Variants in CCDC178 observed in about 807,000 individuals in gnomAD.
CCDC178 encodes coiled-coil domain-containing protein 178.
Under a neutral mutation model 117.4 loss-of-function variants are expected in CCDC178, and 126 were observed. The observed-to-expected ratio is 1.07, with a 90% confidence interval of 0.93 to 1.24. The LOEUF (loss-of-function observed/expected upper bound fraction) is 1.24. CCDC178 is among the 50% of genes most tolerant of loss of function. The pLI is 0.00. For synonymous variants in CCDC178, 283 were observed against 313.4 expected, an observed-to-expected ratio of 0.90 and a Z score of 1.02; for missense variants, 1,030 against 986.9, an observed-to-expected ratio of 1.04 and a Z score of -0.59.
chr18:33,222,491 AC>A (rs1386134248), intron 18 of CCDC178, among the ~76,000 whole-genome samples: 1 of 151,974 alleles, frequency 6.6e-6, no homozygotes, highest in African/African-American at 2.4e-5. Context: ...ATGAAGCTTC[AC>A]CCTCTGCTTC....
At chr18:32,992,811 A>C (rs566848201) in intron 21 of CCDC178, among the ~76,000 whole-genome samples, 1 of 152,186 alleles carries the variant, frequency 6.6e-6, no homozygotes, top group Non-Finnish European at 1.5e-5. Context: ...CACCTAAAAA[A>C]TATAATTAAA....
chr18:33,195,679 T>A (rs1250035004), intron 20 of CCDC178, among the ~76,000 whole-genome samples: 1 of 152,162 alleles, frequency 6.6e-6, no homozygotes, highest in African/African-American at 2.4e-5. Flanking sequence ...ATAGTTTATC[T>A]CCTAAAAGTC....
chr18:33,240,368 A>T (rs1047619647), intron 15 of CCDC178, among the ~76,000 whole-genome samples: 2 of 151,776 alleles, frequency 1.3e-5, no homozygotes, highest in Non-Finnish European at 3.0e-5. Flanking sequence ...AATAAATAAT[A>T]AAGATGAAAG....
chr18:33,422,656 T>A (rs2053996555), intron 2 of CCDC178, among the ~76,000 whole-genome samples: 1 of 152,192 alleles, frequency 6.6e-6, no homozygotes, highest in African/African-American at 2.4e-5. Context: ...TTTTAATTAA[T>A]TTAAATAGCT....
intron 21 of CCDC178, among the ~76,000 whole-genome samples, chr18:32,975,035 G>GA (rs1378346809): frequency 1.3e-5 from 2 of 152,028 alleles, no homozygotes; most frequent in Non-Finnish European, 1.5e-5. Flanking sequence ...AACCTTTCTT[G>GA]AAAAAAATCA....
intron 10 of CCDC178, chr18:33,328,102 T>TGC (rs2145031042): frequency 5.5e-6 from 1 of 181,376 alleles, no homozygotes; most frequent in South Asian, 4.7e-5. Flanking sequence ...TTTTTTTTTT[T>TGC]TTTTTTTTTT....
At chr18:33,187,442 T>A (rs2058810441) in intron 20 of CCDC178, among the ~76,000 whole-genome samples, 1 of 152,088 alleles carries the variant, frequency 6.6e-6, no homozygotes, top group South Asian at 2.1e-4. Flanking sequence ...CTAATGTCAA[T>A]CCCCTTCAGA....
intron 2 of CCDC178, among the ~76,000 whole-genome samples, chr18:33,429,541 T>C (rs1350449139): frequency 6.6e-6 from 1 of 152,148 alleles, no homozygotes; most frequent in Non-Finnish European, 1.5e-5. Context: ...TATAAAGCAA[T>C]AACATATTTA....
intron 12 of CCDC178, among the ~76,000 whole-genome samples, chr18:33,292,021 C>CAAA (rs554196569): frequency 5.7e-4 from 81 of 141,842 alleles, no homozygotes; most frequent in Middle Eastern, 3.7e-3. Flanking sequence ...GGAGATTCCT[C>CAAA]AAAAAAAAAA....
At chr18:33,224,730 G>A (rs1382260166) in intron 17 of CCDC178, 45 bp downstream of exon 17, 7 of 1,215,408 alleles carry the variant, frequency 5.8e-6, no homozygotes, top group African/African-American at 1.6e-5. Flanking sequence ...ACTTACTAAC[G>A]TATATATTTC....
intron 5 of CCDC178, among the ~76,000 whole-genome samples, chr18:33,374,457 A>G (rs1324771783): frequency 6.6e-6 from 1 of 152,196 alleles, no homozygotes; most frequent in Non-Finnish European, 1.5e-5. Flanking sequence ...CACACACTAT[A>G]ATGCCTAAAA....
chr18:33,428,910 T>C (rs556194285), intron 2 of CCDC178, among the ~76,000 whole-genome samples: 2 of 151,818 alleles, frequency 1.3e-5, no homozygotes, highest in East Asian at 3.9e-4. Flanking sequence ...GTGTGCAGTA[T>C]TTTTCAATCA....
chr18:33,111,118 T>C (rs902852757), intron 20 of CCDC178, among the ~76,000 whole-genome samples: 1 of 151,642 alleles, frequency 6.6e-6, no homozygotes, highest in Non-Finnish European at 1.5e-5. Context: ...GTTAAATATA[T>C]ACCTAGTTAA....
rs114568095 is a variant in CCDC178, at chr18:32,969,052, A to T, written c.2523+5495T>A. 6.1e-3 allele frequency among the ~76,000 whole-genome samples: 927 copies of T among 152,180 alleles called. 7 individuals are homozygous for T. The highest frequency in any genetic ancestry group is 0.021 in the African/African-American group (890 of 41,530). ...TTTATTAAGTAACAGAACTGTAGGCACCTAGAGGTAGAAAGAACTTTTGGA... is the reference window on the plus strand; with the variant it reads ...TTTATTAAGTAACAGAACTGTAGGCTCCTAGAGGTAGAAAGAACTTTTGGA... On this transcript the variant is annotated intron_variant, in intron 22 of 22. Transcript: ENST00000383096.
chr18:33,408,862 C>T (rs998210343), intron 3 of CCDC178, among the ~76,000 whole-genome samples: 6 of 152,046 alleles, frequency 3.9e-5, no homozygotes, highest in African/African-American at 1.2e-4. Context: ...GAAAATACTG[C>T]CTGCAAAGCC....
intron 11 of CCDC178, among the ~76,000 whole-genome samples, chr18:33,305,384 C>A (rs2144925131): frequency 6.6e-6 from 1 of 152,242 alleles, no homozygotes; most frequent in Middle Eastern, 3.4e-3. Flanking sequence ...TGAGGACACT[C>A]ACCCCAAATC....
intron 20 of CCDC178, among the ~76,000 whole-genome samples, chr18:33,104,651 T>C (rs902961199): frequency 6.6e-6 from 1 of 151,734 alleles, no homozygotes; most frequent in African/African-American, 2.4e-5. Context: ...GGGGAAATAT[T>C]GAATGACCCA....
chr18:33,003,950 T>C (rs2055696435), intron 21 of CCDC178, among the ~76,000 whole-genome samples: 2 of 151,944 alleles, frequency 1.3e-5, no homozygotes, highest in Admixed American at 6.6e-5. Context: ...TGCAATTTAA[T>C]ACCTAGTAAT....
At chr18:33,043,939 A>C (rs533301775) in intron 21 of CCDC178, among the ~76,000 whole-genome samples, 1 of 151,862 alleles carries the variant, frequency 6.6e-6, no homozygotes, top group South Asian at 2.1e-4. Context: ...AGAAGGCAAA[A>C]CAAAATTATA....
Sources: gnomAD v4.1 joint callset for allele counts (sites outside exome capture counted in the v4.1 genomes callset) on GRCh38, gnomAD v4.1.1 for gene constraint, MANE v1.5 for transcripts, NCBI Gene and HGNC (gene_info 2026-07-23, HGNC 2026-07-21) for gene names.